The following PTCHD4 variants were observed in gnomAD, a reference collection of about 807,000 sequenced individuals.
The protein encoded by PTCHD4 is patched domain containing 4.
PTCHD4 carries 33 observed loss-of-function variants against 58.1 expected under a neutral mutation model. The ratio of observed to expected loss-of-function variants is 0.57; its 90% CI spans 0.43 to 0.76. PTCHD4 has a LOEUF of 0.76. PTCHD4 is among the 30% of genes least tolerant of loss of function. PTCHD4 has a pLI of 0.00. For synonymous variants in PTCHD4, 478 were observed against 409.6 expected (o/e 1.17, Z -2.02); for missense variants, 1,058 against 1,027.1 (o/e 1.03, Z -0.41).
At chr6:48,066,399 C>A (rs1215786586) in intron 3 of PTCHD4, among the ~76,000 whole-genome samples, 1 of 152,042 alleles carries the variant, frequency 6.6e-6, no homozygotes, top group Non-Finnish European at 1.5e-5. Flanking sequence ...GAGGACCCAA[C>A]CAATAATGCA....
At chr6:48,067,128 A>G (rs1764826866) in intron 3 of PTCHD4, among the ~76,000 whole-genome samples, 1 of 152,164 alleles carries the variant, frequency 6.6e-6, no homozygotes, top group African/African-American at 2.4e-5. Flanking sequence ...GAACAGGGTC[A>G]AGCAGACAAA....
intron 4 of PTCHD4, among the ~76,000 whole-genome samples, chr6:47,897,851 T>G (rs1764570368): frequency 2.6e-5 from 4 of 152,100 alleles, no homozygotes; most frequent in African/African-American, 9.7e-5. Flanking sequence ...ATCTCTAACT[T>G]AATAGACATG....
In PTCHD4 at chr6:47,926,472, T is replaced by C. The variant is rs7762636; in HGVS notation, c.899-46536A>G. Among the ~76,000 whole-genome samples, 1,435 of 152,318 alleles carry C rather than the reference T, an allele frequency of 9.4e-3. 30 individuals carry two copies. The highest frequency in any genetic ancestry group is 0.033 in the African/African-American group (1,380 of 41,564). On this transcript the variant is annotated intron_variant, in intron 4 of 4. Coordinates refer to ENST00000339488, the MANE Select transcript of PTCHD4 (RefSeq NM_001384253.1). ...TGCTACTCAAAGTGTGTTCCCTGGA[T>C]AAGCAGCATCAGCTTGACCTGGGAT...
chr6:47,927,464 C>G (rs1391468421), intron 4 of PTCHD4, among the ~76,000 whole-genome samples: 1 of 152,092 alleles, frequency 6.6e-6, no homozygotes, highest in Non-Finnish European at 1.5e-5. Context: ...CTTTGCCAAA[C>G]AATATTATTT....
chr6:48,035,983 A>G (rs1454371805), intron 3 of PTCHD4, among the ~76,000 whole-genome samples: 1 of 152,094 alleles, frequency 6.6e-6, no homozygotes, highest in Admixed American at 6.6e-5. Context: ...CACCCCCTGA[A>G]TAAACCCTGC....
intron 4 of PTCHD4, among the ~76,000 whole-genome samples, chr6:47,992,011 C>A (rs1393818153): frequency 2.6e-5 from 4 of 152,028 alleles, no homozygotes. Flanking sequence ...GACTAAATTT[C>A]TCCACTAAGA....
intron 4 of PTCHD4, among the ~76,000 whole-genome samples, chr6:47,981,959 T>C (rs1050684754): frequency 6.6e-6 from 1 of 152,174 alleles, no homozygotes; most frequent in African/African-American, 2.4e-5. Flanking sequence ...GATAAGGCTC[T>C]CTTGGGACAT....
intron 4 of PTCHD4, among the ~76,000 whole-genome samples, chr6:47,920,097 G>T (rs1157661424): frequency 6.6e-6 from 1 of 152,124 alleles, no homozygotes; most frequent in Non-Finnish European, 1.5e-5. Context: ...TAAGCTGGAA[G>T]TTCAAGTATT....
intron 1 of PTCHD4, among the ~76,000 whole-genome samples, chr6:48,082,853 TA>T (rs1157668545): frequency 1.3e-5 from 2 of 152,082 alleles, no homozygotes; most frequent in Non-Finnish European, 2.9e-5. Flanking sequence ...TAATTATTTA[TA>T]TTTATTTTGA....
intron 4 of PTCHD4, among the ~76,000 whole-genome samples, chr6:47,994,261 C>T (rs1326377107): frequency 1.3e-5 from 2 of 152,164 alleles, no homozygotes; most frequent in African/African-American, 4.8e-5. Context: ...AGAGGGAAAA[C>T]AGAGTGACCA....
chr6:48,006,317 C>T (rs1055549858), intron 4 of PTCHD4, among the ~76,000 whole-genome samples: 1 of 152,136 alleles, frequency 6.6e-6, no homozygotes, highest in African/African-American at 2.4e-5. Flanking sequence ...ACGGAAATAC[C>T]TCTCGGGCTT....
At position 47,865,218 on chromosome 6, in the gene PTCHD4, G is replaced by T. The variant is rs535870352; in HGVS notation, c.*13085C>A. Among the ~76,000 whole-genome samples the T allele has an allele frequency of 2.0e-5, 3 of 151,884 alleles. No individual in the cohort carries two copies. The South Asian group carries it at 6.2e-4, about 31-fold the overall frequency. On this transcript the variant is annotated 3_prime_UTR_variant, in exon 5 of 5. Transcript: ENST00000339488. ...ATTTTACATGGAAAAAAGTATAAAA[G>T]ATTAGACTGCCTATTTATGTTCCTA...
chr6:48,104,625 C>T lies in PTCHD4; in HGVS notation c.-970+6424G>A, dbSNP rs201176589. ...AATACTAACCTTAAATGTAAATGGG[C>T]TAAATGCTCCAATTAAAAGGCACAG... On this transcript the variant is annotated intron_variant, in intron 1 of 4. Transcript: ENST00000339488. Among the ~76,000 whole-genome samples the T allele has an allele frequency of 7.8e-4, 119 of 152,232 alleles. 1 individual carries two copies. The highest frequency in any genetic ancestry group is 2.8e-3 in the African/African-American group (115 of 41,522).
rs747292436 is a variant in PTCHD4 at position 47,878,145 on chromosome 6, C to G, written c.*158G>C. 4.2e-4 allele frequency: 243 copies of G among 576,894 alleles called. 1 individual carries two copies. The highest frequency in any genetic ancestry group is 4.2e-4 in the Non-Finnish European group (144 of 340,168). 35.7% of individuals were successfully genotyped at this position (576,894 alleles called of 1,614,324 possible). ...CCTCTTTTTTTATTCCCTCTTCCCC[C>G]CAAGAAGCAGGCACCTTGAAGTGTC... On this transcript the variant is annotated 3_prime_UTR_variant, in exon 5 of 5. Coordinates refer to ENST00000339488, the MANE Select transcript of PTCHD4 (RefSeq NM_001384253.1).
intron 3 of PTCHD4, among the ~76,000 whole-genome samples, chr6:48,032,407 CCT>C (rs1383959175): frequency 6.6e-6 from 1 of 151,768 alleles, no homozygotes; most frequent in Non-Finnish European, 1.5e-5. Context: ...TCTCTCTCTC[CCT>C]CTCTCTGTGT....
intron 1 of PTCHD4, among the ~76,000 whole-genome samples, chr6:48,076,259 G>T (rs1765063024): frequency 6.6e-6 from 1 of 152,132 alleles, no homozygotes; most frequent in Non-Finnish European, 1.5e-5. Context: ...TAACTATTTT[G>T]CTATTTCTAC....
rs148493091 is a variant in PTCHD4, at chr6:47,957,216, G to A, written c.898+51418C>T. ...TTATATATTAAATATTTTTTAAACA[G>A]AAATAAAATTCAAAGAGTATGATGG... On this transcript the variant is annotated intron_variant, in intron 4 of 4. Transcript: ENST00000339488. 1.4e-3 allele frequency among the ~76,000 whole-genome samples: 202 copies of A among 147,746 alleles called. 6 individuals are homozygous for A. In the East Asian group the frequency reaches 0.029, roughly 21 times the overall value.
chr6:47,883,368 G>A (rs959549275), intron 4 of PTCHD4, among the ~76,000 whole-genome samples: 1 of 152,094 alleles, frequency 6.6e-6, no homozygotes, highest in African/African-American at 2.4e-5. Context: ...AAAGAAGCAA[G>A]AGCATGAATA....
intron 4 of PTCHD4, among the ~76,000 whole-genome samples, chr6:47,969,645 G>T (rs1767427253): frequency 6.6e-6 from 1 of 151,990 alleles, no homozygotes; most frequent in Non-Finnish European, 1.5e-5. Context: ...AAATAAAATT[G>T]CATAACTATT....
Sources: allele counts gnomAD v4.1 joint callset (sites outside exome capture counted in the v4.1 genomes callset), GRCh38; gene constraint gnomAD v4.1.1; transcripts MANE v1.5; gene names NCBI Gene and HGNC (gene_info 2026-07-23, HGNC 2026-07-21).